GREB1L: variants seen among roughly 807,000 people sequenced by gnomAD.
The protein encoded by GREB1L is GREB1-like protein.
GREB1L carries 17 observed loss-of-function variants against 200.8 expected under a neutral mutation model. That is an observed-to-expected ratio of 0.08 (90% confidence interval 0.06 to 0.13). GREB1L has a LOEUF of 0.13. Among genes scored for constraint, GREB1L ranks in the 10% least tolerant of loss-of-function variants. The pLI is 1.00. For synonymous variants in GREB1L, 789 were observed against 893.0 expected (o/e 0.88, Z 2.08); for missense variants, 1,657 against 2,367.7 (o/e 0.70, Z 6.23).
At chr18:21,425,185 A>G (rs1210099885) in intron 7 of GREB1L, among the ~76,000 whole-genome samples, 1 of 152,158 alleles carries the variant, frequency 6.6e-6, no homozygotes, top group African/African-American at 2.4e-5. Flanking sequence ...ATGATTTTCA[A>G]AGATTTTTCT....
At chr18:21,303,638 A>G (rs1193356858) in intron 1 of GREB1L, among the ~76,000 whole-genome samples, 1 of 152,208 alleles carries the variant, frequency 6.6e-6, no homozygotes, top group African/African-American at 2.4e-5. Flanking sequence ...TTCACTGATT[A>G]TGACTTTGCC....
chr18:21,420,518 G>A (rs1337734654), intron 7 of GREB1L, among the ~76,000 whole-genome samples: 2 of 152,070 alleles, frequency 1.3e-5, no homozygotes, highest in African/African-American at 2.4e-5. Context: ...AAGTTATATG[G>A]GTGGCAGTTA....
chr18:21,469,364 C>T (rs140417157), intron 15 of GREB1L, among the ~76,000 whole-genome samples: 35 of 152,266 alleles, frequency 2.3e-4, no homozygotes, highest in African/African-American at 7.9e-4. Context: ...CTCAAATTTT[C>T]CAGCATTGGC....
chr18:21,417,855 C>T (rs1298414280), intron 7 of GREB1L, among the ~76,000 whole-genome samples: 7 of 151,644 alleles, frequency 4.6e-5, no homozygotes, highest in Non-Finnish European at 7.4e-5. Flanking sequence ...GTGGCGGGCA[C>T]CTATAGTCCC....
chr18:21,358,542 C>T (rs2039538056), intron 1 of GREB1L, among the ~76,000 whole-genome samples: 1 of 152,178 alleles, frequency 6.6e-6, no homozygotes, highest in Non-Finnish European at 1.5e-5. Context: ...GTCTTGATCT[C>T]CTGACCTCGT....
rs1387819317 is a variant in GREB1L at position 21,365,291 on chromosome 18, ATGCTT to A, written c.-119-735_-119-731del. Reference sequence around the variant, plus strand: ...TAAACAAAGTAACAAAGGACTAGAAATGCTTCTATGTTATCTATAAAAATCAATGA... The same window carrying A: ...TAAACAAAGTAACAAAGGACTAGAAACTATGTTATCTATAAAAATCAATGA... On this transcript the variant is annotated intron_variant, in intron 1 of 32. Coordinates refer to ENST00000424526, the MANE Select transcript of GREB1L (RefSeq NM_001142966.3). Among the ~76,000 whole-genome samples, 3 of 152,206 alleles carry A rather than the reference ATGCTT, an allele frequency of 2.0e-5. No homozygotes were observed. In the East Asian group the frequency reaches 5.8e-4, roughly 29 times the overall value.
At position 21,499,871 on chromosome 18, in the gene GREB1L, C is replaced by T. The variant is rs1199328063; in HGVS notation, c.3534C>T (p.Ala1178=). The T allele has an allele frequency of 3.2e-6, 5 of 1,550,596 alleles. No homozygotes were observed. Among genetic ancestry groups the T allele is most frequent in the Non-Finnish European group, 4.4e-6 (5 of 1,146,592 alleles). Residue 1178 remains alanine (A), a synonymous_variant, in exon 22 of 33, where the codon GCC becomes GCT. Transcript: ENST00000424526. ...GVSASSAGAG[A]GETLKQECDS... ...CCGCCAGCTCAGCTGGAGCCGGAGC[C>T]GGGGAGACTCTGAAGCAGGAATGTG...
At chr18:21,293,783 C>T (rs949769360) in intron 1 of GREB1L, among the ~76,000 whole-genome samples, 4 of 151,998 alleles carry the variant, frequency 2.6e-5, no homozygotes, top group Non-Finnish European at 5.9e-5. Context: ...AACTTTCTTT[C>T]TTTTTTTCTT....
chr18:21,515,413 A>G lies in GREB1L; in HGVS notation c.4902-4A>G. ...CAACATCTTATATAAACTATATTTC[A>G]TAGCCAGCCCATGGAAGTAGGAGTT... On this transcript the variant is annotated splice_polypyrimidine_tract_variant and splice_region_variant and intron_variant, in intron 28 of 32. Transcript: ENST00000424526. 4 of 1,538,592 alleles carry G rather than the reference A, an allele frequency of 2.6e-6. No homozygotes were observed. Among genetic ancestry groups the G allele is most frequent in the Non-Finnish European group, 2.6e-6 (3 of 1,135,134 alleles).
intron 1 of GREB1L, among the ~76,000 whole-genome samples, chr18:21,270,443 A>G (rs773951441): frequency 6.6e-6 from 1 of 152,176 alleles, no homozygotes; most frequent in Non-Finnish European, 1.5e-5. Context: ...TGTTAGGATT[A>G]TCATCTGTGG....
At position 21,477,344 on chromosome 18, in the gene GREB1L, G is replaced by C; in HGVS notation, c.2544G>C (p.Gln848His). 1 of 1,548,820 alleles carries C rather than the reference G, an allele frequency of 6.5e-7. No homozygotes were observed. The highest frequency in any genetic ancestry group is 8.7e-7 in the Non-Finnish European group (1 of 1,144,898). The change falls in exon 17 of 33, where the codon CAG becomes CAC. Residue 848 changes from glutamine to histidine, a missense_variant. By Grantham distance (24) the Gln-to-His change is conservative. This residue lies in a region of GREB1L where 239 missense variants were observed against 421.8 expected (regional missense o/e 0.57). Coordinates refer to ENST00000424526, the MANE Select transcript of GREB1L (RefSeq NM_001142966.3). ...ISSSNEVHWI[Q>H]LDTGEDVGCE... is the part of the protein sequence containing the mutation. ...CTAGCAATGAGGTTCACTGGATACA[G>C]CTGGATACTGGGGTGAGTCTCTTGC...
At chr18:21,302,411 T>A (rs1313915611) in intron 1 of GREB1L, among the ~76,000 whole-genome samples, 1 of 152,188 alleles carries the variant, frequency 6.6e-6, no homozygotes, top group African/African-American at 2.4e-5. Context: ...GCCTCCATTC[T>A]ACAAAATAGA....
intron 28 of GREB1L, among the ~76,000 whole-genome samples, chr18:21,515,158 C>T (rs1226517825): frequency 6.6e-6 from 1 of 152,196 alleles, no homozygotes; most frequent in Non-Finnish European, 1.5e-5. Context: ...ACTCTTTATT[C>T]ACTGTTCACT....
chr18:21,406,058 T>TAAAAAAA (rs34222462), intron 7 of GREB1L, among the ~76,000 whole-genome samples: 2 of 124,894 alleles, frequency 1.6e-5, no homozygotes, highest in East Asian at 2.3e-4. Context: ...AGACCCTGTC[T>TAAAAAAA]AAAAAAAAAA....
intron 7 of GREB1L, among the ~76,000 whole-genome samples, chr18:21,430,823 G>A (rs988168170): frequency 3.3e-5 from 5 of 149,992 alleles, no homozygotes; most frequent in Non-Finnish European, 7.4e-5. Flanking sequence ...CTCAAACTCC[G>A]GACCTCAGGT....
intron 1 of GREB1L, among the ~76,000 whole-genome samples, chr18:21,314,057 A>G (rs2038831521): frequency 6.6e-6 from 1 of 152,208 alleles, no homozygotes; most frequent in African/African-American, 2.4e-5. Context: ...TGGCTATAGC[A>G]AAAACAATAA....
chr18:21,402,893 G>A (rs2041376746), intron 6 of GREB1L, among the ~76,000 whole-genome samples: 1 of 151,280 alleles, frequency 6.6e-6, no homozygotes, highest in Non-Finnish European at 1.5e-5. Flanking sequence ...TTTTGGAGCT[G>A]AAATTATATT....
intron 1 of GREB1L, among the ~76,000 whole-genome samples, chr18:21,282,198 C>T (rs2144463282): frequency 6.6e-6 from 1 of 152,190 alleles, no homozygotes; most frequent in Non-Finnish European, 1.5e-5. Context: ...CACTTAAGCC[C>T]AGGAGTTCAA....
chr18:21,317,302 A>G (rs1384334085), intron 1 of GREB1L, among the ~76,000 whole-genome samples: 2 of 152,038 alleles, frequency 1.3e-5, no homozygotes, highest in African/African-American at 2.4e-5. Flanking sequence ...TCATTATACA[A>G]TAAGTTTGTG....
Sources: allele counts gnomAD v4.1 joint callset (sites outside exome capture counted in the v4.1 genomes callset), GRCh38; gene constraint gnomAD v4.1.1; regional missense constraint gnomAD v4.1.1; transcripts MANE v1.5; gene names NCBI Gene and HGNC (gene_info 2026-07-23, HGNC 2026-07-21).